HSPG2: variants seen among roughly 807,000 people sequenced by gnomAD.
HSPG2 encodes the protein basement membrane-specific heparan sulfate proteoglycan core protein.
HSPG2 carries 278 observed loss-of-function variants against 526.6 expected under a neutral mutation model. That is an observed-to-expected ratio of 0.53 (90% CI 0.48 to 0.58). The LOEUF (loss-of-function observed/expected upper bound fraction) is 0.58, where lower values mean the gene tolerates loss of function less well. Among genes scored for constraint, HSPG2 ranks in the 20% least tolerant of loss-of-function variants. The probability of loss-of-function intolerance (pLI) is 0.00; values close to 1 mark genes in which losing one functional copy is unlikely to be tolerated. For missense variants in HSPG2, 5,354 were observed against 6,099.5 expected (o/e 0.88, Z 4.07); for synonymous variants, 2,465 against 2,555.4 (o/e 0.96, Z 1.07).
intron 47 of HSPG2, 117 bp from the exon 48 acceptor site, chr1:21,855,100 G>T: frequency 7.1e-7 from 1 of 1,402,652 alleles, no homozygotes; most frequent in East Asian, 2.4e-5. Flanking sequence ...GGGCCCAGTG[G>T]GGCATGAAGG....
rs12750012 is a variant in HSPG2 at position 21,851,385 on chromosome 1, A to G, written c.7158+161T>C. On this transcript the variant is annotated intron_variant, in intron 55 of 96. Coordinates refer to ENST00000374695, the MANE Select transcript of HSPG2 (RefSeq NM_005529.7). ...TGGAGCCAGAATTCACACCCAGGTT[A>G]GTCAGTCCTAGATTCTGGTTTCTAA... 50,673 of 936,276 alleles carry G rather than the reference A, an allele frequency of 0.054. 1,718 individuals carry two copies. Among genetic ancestry groups the G allele is most frequent in the South Asian group, 0.11 (6,840 of 62,608 alleles). The allele number at this position is 936,276 out of a possible 1,614,324, so 58.0% of individuals were successfully genotyped here.
intron 23 of HSPG2, 79 bp downstream of exon 23, chr1:21,876,150 C>G (rs1304774497): frequency 7.7e-6 from 12 of 1,562,638 alleles, no homozygotes; most frequent in Non-Finnish European, 1.0e-5. Context: ...CAAGGCACCA[C>G]GACCCTCCCG....
At chr1:21,837,346 T>A (rs1383099532) in intron 74 of HSPG2, among the ~76,000 whole-genome samples, 1 of 152,146 alleles carries the variant, frequency 6.6e-6, no homozygotes, top group African/African-American at 2.4e-5. Flanking sequence ...AGTGGCACGA[T>A]CTCAGCTCAC....
At position 21,846,194 on chromosome 1, in the gene HSPG2, C is replaced by G. The variant is rs1454140513; in HGVS notation, c.8378G>C (p.Cys2793Ser). The G allele has an allele frequency of 6.2e-7, 1 of 1,613,122 alleles. No homozygotes were observed. Among genetic ancestry groups the G allele is most frequent in the Non-Finnish European group, 8.5e-7 (1 of 1,180,016 alleles). ...GGGGCCAGAGCTGCCCATCACCCGG[C>G]ACACGTATTCACCCGAGTCGGCCGG... is the stretch of plus-strand genomic sequence containing the variant. ...VSPADSGEYV[C>S]RVMGSSGPLE... is the part of the protein sequence containing the mutation. Residue 2793 changes from cysteine (C) to serine (S), a missense_variant, in exon 64 of 97, where the codon TGC (cysteine) becomes TCC (serine). By Grantham distance (112) the Cys-to-Ser change is moderately radical. Transcript: ENST00000374695.
At chr1:21,830,546 C>G (rs182255793) in intron 85 of HSPG2, 7 of 274,566 alleles carry the variant, frequency 2.5e-5, no homozygotes, top group Non-Finnish European at 4.9e-5. Flanking sequence ...AAAATTTAGC[C>G]AGGGGTGGTG....
In HSPG2 at chr1:21,829,994, T is replaced by C. The variant is rs1469146756; in HGVS notation, c.11769A>G (p.Glu3923=). The C allele has an allele frequency of 1.2e-6, 2 of 1,606,334 alleles. No individual in the cohort carries two copies. The highest frequency in any genetic ancestry group is 1.7e-6 in the Non-Finnish European group (2 of 1,177,112). ...GGTCTCAGGCCTGGCTCCCCTCACC[T>C]TCCTCACACCGCAACCCCGAGCGGC... ...HLGRSGLRCE[E]GVTVTTPSLS... Residue 3923 remains glutamate, a splice_region_variant and synonymous_variant, in exon 86 of 97, where the codon GAA becomes GAG. Transcript: ENST00000374695.
intron 3 of HSPG2, among the ~76,000 whole-genome samples, chr1:21,892,862 C>CAAAAAAAAAAAA (rs564802827): frequency 2.9e-5 from 3 of 103,814 alleles, no homozygotes; most frequent in Admixed American, 1.1e-4. Context: ...GACTCCATCT[C>CAAAAAAAAAAAA]AAAAAAAAAA....
At position 21,854,599 on chromosome 1, in the gene HSPG2, G is replaced by T; in HGVS notation, c.6288+12C>A. ...CCCTGGGTCCCCTGCCATAGGCTCA[G>T]GGCCCACATACCTGGGTGTGGGGAG... On this transcript the variant is annotated intron_variant, in intron 49 of 96. Coordinates refer to ENST00000374695, the MANE Select transcript of HSPG2 (RefSeq NM_005529.7). 1 of 1,554,350 alleles carries T rather than the reference G, an allele frequency of 6.4e-7. No individual in the cohort carries two copies.
At chr1:21,877,496 CTTTT>C (rs11299186) in intron 21 of HSPG2, 8 of 96,014 alleles carry the variant, frequency 8.3e-5, no homozygotes, top group Non-Finnish European at 6.8e-5. Context: ...TACTCACATT[CTTTT>C]TTTTTTTTTT....
At chr1:21,830,170 A>T (rs975918965) in intron 85 of HSPG2, 79 bp from the exon 86 acceptor site, 116 of 1,168,742 alleles carry the variant, frequency 9.9e-5, no homozygotes, top group Middle Eastern at 2.4e-4. Flanking sequence ...AGGTCTGCCC[A>T]TCACACCCCG....
chr1:21,891,171 C>T (rs1642333270), intron 3 of HSPG2, among the ~76,000 whole-genome samples: 1 of 152,244 alleles, frequency 6.6e-6, no homozygotes, highest in Non-Finnish European at 1.5e-5. Flanking sequence ...TGGGCTCCCA[C>T]AGTGCCCTGC....
chr1:21,830,195 T>C (rs2097996503), intron 85 of HSPG2, 104 bp from the exon 86 acceptor site: 1 of 952,164 alleles, frequency 1.1e-6, no homozygotes, highest in Non-Finnish European at 1.6e-6. Context: ...GCTGGGCTAG[T>C]GAGGGCCAGG....
chr1:21,865,797 CG>C lies in HSPG2; in HGVS notation c.4233del (p.Tyr1411Ter), dbSNP rs1557746359. 6.2e-7 allele frequency: 1 copy of C among 1,613,622 alleles called. No homozygotes were observed. Among genetic ancestry groups the C allele is most frequent in the South Asian group, 1.1e-5 (1 of 91,062 alleles). ...ETYQGDKVAA[Y>X]GGKLRYTLSY... ...GAGAGGGTGTATCGCAACTTCCCAC[CG>C]TAGGCCGCCACCTGCAAAGAGGCAA... On this transcript the variant is annotated frameshift_variant, in exon 34 of 97. Coordinates refer to ENST00000374695, the MANE Select transcript of HSPG2 (RefSeq NM_005529.7). LOFTEE classifies it high-confidence loss of function. The surrounding 1 kb of genome is among the most constrained non-coding windows in gnomAD (Gnocchi z 5.4).
At position 21,847,313 on chromosome 1, in the gene HSPG2, CTG is replaced by C; in HGVS notation, c.8164+39_8164+40del. ...GAAAGTTCCTTCTCCCCAGGGAACA[CTG>C]TTGCCTGCATCCCTCGTCCCTTTCC... is the stretch of plus-strand genomic sequence containing the variant. On this transcript the variant is annotated intron_variant, in intron 62 of 96. Transcript: ENST00000374695. The surrounding 1 kb of genome is among the most constrained non-coding windows in gnomAD (Gnocchi z 4.1). 1.2e-6 allele frequency: 2 copies of C among 1,611,198 alleles called. No homozygotes were observed. The highest frequency in any genetic ancestry group is 2.2e-5 in the South Asian group (2 of 91,050).
Position 21,858,447 on chromosome 1 carries a change from T to G in HSPG2, c.5294-1062A>C, listed in dbSNP as rs779785086. Among the ~76,000 whole-genome samples the G allele has an allele frequency of 3.3e-5, 5 of 152,180 alleles. No individual in the cohort carries two copies. Among genetic ancestry groups the G allele is most frequent in the Admixed American group, 6.5e-5 (1 of 15,280 alleles). On this transcript the variant is annotated intron_variant, in intron 42 of 96. Transcript: ENST00000374695. This position sits in a 1 kb window ranked among gnomAD's most constrained non-coding sequence, Gnocchi z 4.2. Reference sequence around the variant, plus strand: ...GCCACACTCTCCCTAGGTGACTTCATCCTGTCCCATAGCTTTGAACACCAT... The same window carrying G: ...GCCACACTCTCCCTAGGTGACTTCAGCCTGTCCCATAGCTTTGAACACCAT...
intron 65 of HSPG2, 89 bp downstream of exon 65, chr1:21,844,059 T>A: frequency 6.5e-7 from 1 of 1,550,262 alleles, no homozygotes; most frequent in East Asian, 2.3e-5. Context: ...CAAGCCCCAG[T>A]TGCTGAGGCC....
At position 21,824,558 on chromosome 1, in the gene HSPG2, G is replaced by C; in HGVS notation, c.12723C>G (p.Gly4241=). Residue 4241 remains glycine (G), a synonymous_variant, in exon 93 of 97, where the codon GGC becomes GGG. Transcript: ENST00000374695. This position sits in a 1 kb window ranked among gnomAD's most constrained non-coding sequence, Gnocchi z 5.9. ...ELEVRTSTAS[G]LLLWQGVEVG... ...TCACCACACCCTGCCAGAGCAGGAG[G>C]CCACTGGCTGTGCTGGTCCGAACCT... The C allele has an allele frequency of 6.2e-7, 1 of 1,613,774 alleles. No individual in the cohort carries two copies. Among genetic ancestry groups the C allele is most frequent in the Non-Finnish European group, 8.5e-7 (1 of 1,180,030 alleles).
rs754456095 is a variant in HSPG2 at position 21,846,254 on chromosome 1, G to A, written c.8318C>T (p.Thr2773Ile). 6.4e-5 allele frequency: 104 copies of A among 1,612,976 alleles called. No homozygotes were observed. Among genetic ancestry groups the A allele is most frequent in the Middle Eastern group, 3.3e-4 (2 of 6,082 alleles). ...RGGSLPSHHQ[T>I]RGSRLRLHHV... ...GTGCAGCCGCAGCCGTGAGCCGCGG[G>A]TCTGAATAGGGGACAGGACAGAGGA... Residue 2773 changes from threonine (T) to isoleucine (I), a missense_variant and splice_region_variant, in exon 64 of 97, where the codon ACC becomes ATC. Transcript: ENST00000374695.
At chr1:21,885,520 C>A in intron 9 of HSPG2, 69 bp from the exon 10 acceptor site, 1 of 1,577,384 alleles carries the variant, frequency 6.3e-7, no homozygotes. Context: ...CCCAGGGCCA[C>A]TCTCTCATCT....
Sources: allele counts gnomAD v4.1 joint callset (sites outside exome capture counted in the v4.1 genomes callset), GRCh38; gene constraint gnomAD v4.1.1; non-coding constraint Gnocchi (gnomAD v3.1); transcripts MANE v1.5; gene names NCBI Gene and HGNC (gene_info 2026-07-23, HGNC 2026-07-21).